Variants in NRXN1 observed in about 807,000 individuals in gnomAD.
NRXN1 encodes neurexin 1, also known as neurexin-1.
Under a neutral mutation model 150.9 loss-of-function variants are expected in NRXN1, and 39 were observed. That is an observed-to-expected ratio of 0.26 (90% confidence interval 0.20 to 0.34). The LOEUF (loss-of-function observed/expected upper bound fraction) is 0.34. Among genes scored for constraint, NRXN1 ranks in the 10% least tolerant of loss-of-function variants. The pLI, the probability that NRXN1 is intolerant of heterozygous loss-of-function variation, is 1.00. For missense variants in NRXN1, 1,815 were observed against 1,949.9 expected, an observed-to-expected ratio of 0.93 and a Z score of 1.30; for synonymous variants, 924 against 757.0, an observed-to-expected ratio of 1.22 and a Z score of -3.62.
At chr2:50,631,889 G>A (rs1682386467) in intron 5 of NRXN1, among the ~76,000 whole-genome samples, 1 of 151,894 alleles carries the variant, frequency 6.6e-6, no homozygotes, top group Admixed American at 6.6e-5. Flanking sequence ...ATAAGAACTA[G>A]ATGCTGTATC....
intron 5 of NRXN1, among the ~76,000 whole-genome samples, chr2:50,884,852 T>C (rs1330175630): frequency 1.3e-5 from 2 of 151,566 alleles, no homozygotes; most frequent in Non-Finnish European, 3.0e-5. Context: ...AAACTTTTTT[T>C]TCTATAAACG....
chr2:50,119,730 A>G (rs1416235378), intron 18 of NRXN1, among the ~76,000 whole-genome samples: 1 of 152,176 alleles, frequency 6.6e-6, no homozygotes, highest in Non-Finnish European at 1.5e-5. Flanking sequence ...ATGTATATAA[A>G]GCCTCCCGGT....
intron 19 of NRXN1, among the ~76,000 whole-genome samples, chr2:50,071,434 G>A (rs1019522835): frequency 6.6e-6 from 1 of 152,144 alleles, no homozygotes; most frequent in African/African-American, 2.4e-5. Context: ...AGGCTGTTAC[G>A]GTGGATCCTA....
At chr2:50,198,197 A>G (rs1484883005) in intron 18 of NRXN1, among the ~76,000 whole-genome samples, 1 of 152,152 alleles carries the variant, frequency 6.6e-6, no homozygotes, top group Non-Finnish European at 1.5e-5. Context: ...CCTTGAAAGA[A>G]TAAAGAATCT....
chr2:50,163,930 T>C (rs2059522011), intron 18 of NRXN1, among the ~76,000 whole-genome samples: 1 of 152,158 alleles, frequency 6.6e-6, no homozygotes, highest in South Asian at 2.1e-4. Flanking sequence ...ACACAGAGCT[T>C]GAAGGAGAAA....
At chr2:50,724,608 G>A (rs1225941183) in intron 5 of NRXN1, among the ~76,000 whole-genome samples, 1 of 152,038 alleles carries the variant, frequency 6.6e-6, no homozygotes, top group African/African-American at 2.4e-5. Flanking sequence ...TAAAACATTA[G>A]CTGGCTAGCT....
chr2:49,981,685 A>C (rs1680016484), intron 21 of NRXN1, among the ~76,000 whole-genome samples: 1 of 152,152 alleles, frequency 6.6e-6, no homozygotes. Flanking sequence ...CATGGAGTGA[A>C]TGTTGCCTAT....
intron 2 of NRXN1, chr2:50,963,880 G>C: frequency 3.0e-6 from 1 of 336,144 alleles, no homozygotes; most frequent in Non-Finnish European, 6.0e-6. Flanking sequence ...TCTGAAAATA[G>C]CCAACTCAAT....
chr2:50,485,348 G>C (rs959819482), intron 15 of NRXN1, among the ~76,000 whole-genome samples: 3 of 152,162 alleles, frequency 2.0e-5, no homozygotes, highest in African/African-American at 7.2e-5. Flanking sequence ...GATCAGAAAT[G>C]GGAAGGAAAG....
At chr2:49,975,744 C>A (rs1160786403) in intron 21 of NRXN1, among the ~76,000 whole-genome samples, 4 of 152,078 alleles carry the variant, frequency 2.6e-5, no homozygotes. Context: ...AACATCAACA[C>A]TAAACCTATT....
intron 5 of NRXN1, among the ~76,000 whole-genome samples, chr2:50,838,973 C>T (rs1295919409): frequency 6.6e-6 from 1 of 152,098 alleles, no homozygotes; most frequent in African/African-American, 2.4e-5. Context: ...ATCTTGCTGA[C>T]CAAGATCTTA....
chr2:50,135,563 C>T (rs901205821), intron 18 of NRXN1, among the ~76,000 whole-genome samples: 1 of 152,022 alleles, frequency 6.6e-6, no homozygotes, highest in South Asian at 2.1e-4. Context: ...TGGTGGCGGG[C>T]GCCTGTAGAC....
chr2:50,101,265 C>G (rs186133472), intron 18 of NRXN1, among the ~76,000 whole-genome samples: 1 of 152,114 alleles, frequency 6.6e-6, no homozygotes, highest in African/African-American at 2.4e-5. Context: ...CTGCATCTGC[C>G]TGAATCCTTG....
intron 5 of NRXN1, among the ~76,000 whole-genome samples, chr2:50,872,892 A>G (rs1484057864): frequency 6.6e-6 from 1 of 151,816 alleles, no homozygotes; most frequent in Admixed American, 6.6e-5. Context: ...CAACAATCAA[A>G]ACTTGAGATT....
intron 12 of NRXN1, among the ~76,000 whole-genome samples, chr2:50,516,862 T>C (rs2092646370): frequency 6.6e-6 from 1 of 152,156 alleles, no homozygotes; most frequent in Admixed American, 6.5e-5. Context: ...TTTGACTAAA[T>C]GATATAAAGT....
intron 2 of NRXN1, among the ~76,000 whole-genome samples, chr2:51,015,731 C>A (rs1486636556): frequency 2.0e-5 from 3 of 151,770 alleles, no homozygotes; most frequent in African/African-American, 2.4e-5. Context: ...TTTAATCCAA[C>A]CATTTTTAAC....
chr2:50,381,350 T>C (rs1443491093), intron 17 of NRXN1, among the ~76,000 whole-genome samples: 2 of 151,942 alleles, frequency 1.3e-5, no homozygotes, highest in African/African-American at 4.8e-5. Context: ...AAGGAATGGG[T>C]GGCAGAAGAG....
chr2:50,204,172 G>A (rs943386405), intron 18 of NRXN1, among the ~76,000 whole-genome samples: 1 of 152,004 alleles, frequency 6.6e-6, no homozygotes, highest in Non-Finnish European at 1.5e-5. Flanking sequence ...AAAGTAAAAA[G>A]CAGCACTCAA....
chr2:50,366,521 A>C (rs1402179033), intron 17 of NRXN1, among the ~76,000 whole-genome samples: 1 of 151,908 alleles, frequency 6.6e-6, no homozygotes, highest in African/African-American at 2.4e-5. Flanking sequence ...GATGAGGGGG[A>C]AGTGCACAGA....
Sources: gnomAD v4.1 joint callset for allele counts (sites outside exome capture counted in the v4.1 genomes callset) on GRCh38, gnomAD v4.1.1 for gene constraint, MANE v1.5 for transcripts, NCBI Gene and HGNC (gene_info 2026-07-23, HGNC 2026-07-21) for gene names.